GNAQ: variants seen among roughly 807,000 people sequenced by gnomAD.
GNAQ encodes guanine nucleotide-binding protein G(q) subunit alpha.
In GNAQ, 8 loss-of-function variants were observed where a neutral mutation model predicts 43.9. The ratio of observed to expected loss-of-function variants is 0.18; its 90% confidence interval spans 0.11 to 0.33. The LOEUF (loss-of-function observed/expected upper bound fraction) is 0.33. Ranked by LOEUF, GNAQ falls within the 10% of genes least tolerant of loss-of-function variation. The pLI, the probability that GNAQ is intolerant of heterozygous loss-of-function variation, is 1.00. For synonymous variants in GNAQ, 155 were observed against 170.7 expected (o/e 0.91, Z 0.71); for missense variants, 158 against 450.8 (o/e 0.35, Z 5.88).
intron 1 of GNAQ, among the ~76,000 whole-genome samples, chr9:78,002,976 A>C (rs1167684582): frequency 6.6e-6 from 1 of 152,198 alleles, no homozygotes; most frequent in African/African-American, 2.4e-5. Context: ...TTCATATTAA[A>C]AATCAAAAGA....
chr9:77,983,775 T>C (rs191692934), intron 1 of GNAQ, among the ~76,000 whole-genome samples: 1 of 152,060 alleles, frequency 6.6e-6, no homozygotes, highest in African/African-American at 2.4e-5. Flanking sequence ...CAGGAGAATT[T>C]AGTGACTGAA....
chr9:77,907,146 T>C (rs1216151952), intron 2 of GNAQ, among the ~76,000 whole-genome samples: 1 of 152,226 alleles, frequency 6.6e-6, no homozygotes, highest in Non-Finnish European at 1.5e-5. Flanking sequence ...TCATAATTCA[T>C]GGGCAAGTTA....
chr9:78,014,415 C>A (rs1242568454), intron 1 of GNAQ, among the ~76,000 whole-genome samples: 3 of 152,046 alleles, frequency 2.0e-5, no homozygotes, highest in Admixed American at 6.6e-5. Flanking sequence ...ACGAGACCAG[C>A]CCGACCAACA....
chr9:77,951,418 TC>T (rs1822976657), intron 1 of GNAQ, among the ~76,000 whole-genome samples: 1 of 152,162 alleles, frequency 6.6e-6, no homozygotes, highest in East Asian at 1.9e-4. Flanking sequence ...TTTTAATAAA[TC>T]AGTTATTGCT....
intron 5 of GNAQ, among the ~76,000 whole-genome samples, chr9:77,778,113 A>C (rs1054264748): frequency 6.6e-6 from 1 of 152,052 alleles, no homozygotes; most frequent in Non-Finnish European, 1.5e-5. Context: ...GAAGGTAAAT[A>C]AAAACTTTTA....
Position 77,718,944 on chromosome 9 carries a change from A to G in GNAQ, c.*2379T>C, listed in dbSNP as rs1351544342. Reference sequence around the variant, plus strand: ...AAGCTCATATTCCAATCCTAGATCAAATGGCAAAAGTTCTACAAAGTTGGT... The same window carrying G: ...AAGCTCATATTCCAATCCTAGATCAGATGGCAAAAGTTCTACAAAGTTGGT... On this transcript the variant is annotated 3_prime_UTR_variant, in exon 7 of 7. Coordinates refer to ENST00000286548, the MANE Select transcript of GNAQ (RefSeq NM_002072.5). 2.3e-4 allele frequency: 53 copies of G among 232,200 alleles called. No individual in the cohort carries two copies. The East Asian group carries it at 3.2e-3, about 14-fold the overall frequency. 14.4% of individuals were successfully genotyped at this position (232,200 alleles called of 1,614,324 possible).
chr9:77,736,401 A>G (rs898513378), intron 5 of GNAQ, among the ~76,000 whole-genome samples: 1 of 152,222 alleles, frequency 6.6e-6, no homozygotes, highest in Non-Finnish European at 1.5e-5. Flanking sequence ...TAGAAATAAG[A>G]ACGTCAAACT....
intron 2 of GNAQ, among the ~76,000 whole-genome samples, chr9:77,836,238 C>CCCCT (rs35667294): frequency 2.0e-5 from 3 of 151,562 alleles, no homozygotes; most frequent in African/African-American, 7.3e-5. Context: ...AAGCCCCCCC[C>CCCCT]GGATCTGTCC....
chr9:77,850,959 G>A (rs1827667082), intron 2 of GNAQ, among the ~76,000 whole-genome samples: 1 of 151,974 alleles, frequency 6.6e-6, no homozygotes, highest in African/African-American at 2.4e-5. Context: ...GACCACCATT[G>A]CTCTTTTCTC....
At chr9:77,767,444 C>G (rs970578767) in intron 5 of GNAQ, among the ~76,000 whole-genome samples, 17 of 152,144 alleles carry the variant, frequency 1.1e-4, no homozygotes, top group Non-Finnish European at 8.8e-5. Flanking sequence ...GGTGGGCAGT[C>G]AGCTGCTCTG....
chr9:77,767,769 C>T (rs1826159212), intron 5 of GNAQ, among the ~76,000 whole-genome samples: 1 of 152,116 alleles, frequency 6.6e-6, no homozygotes, highest in Non-Finnish European at 1.5e-5. Context: ...ACATCCTCCC[C>T]CACCTTTATG....
At chr9:77,894,347 T>A (rs1828456618) in intron 2 of GNAQ, among the ~76,000 whole-genome samples, 1 of 139,672 alleles carries the variant, frequency 7.2e-6, no homozygotes, top group African/African-American at 2.7e-5. Context: ...ATTATATATA[T>A]TTAATAGAAA....
At chr9:77,826,303 T>C (rs879846039) in intron 2 of GNAQ, among the ~76,000 whole-genome samples, 1 of 152,166 alleles carries the variant, frequency 6.6e-6, no homozygotes, top group Non-Finnish European at 1.5e-5. Flanking sequence ...CAACTCCCCA[T>C]AACGCTGGTG....
intron 1 of GNAQ, among the ~76,000 whole-genome samples, chr9:77,936,091 C>T (rs1025658990): frequency 6.6e-6 from 1 of 152,160 alleles, no homozygotes; most frequent in Admixed American, 6.5e-5. Context: ...TACATCGGTG[C>T]ATTTTATTAA....
At chr9:77,911,888 T>C (rs1262847792) in intron 2 of GNAQ, among the ~76,000 whole-genome samples, 2 of 152,162 alleles carry the variant, frequency 1.3e-5, no homozygotes, top group African/African-American at 4.8e-5. Context: ...AAAACCGTAT[T>C]ATCAAACTAG....
At chr9:77,857,845 G>T (rs1827783768) in intron 2 of GNAQ, among the ~76,000 whole-genome samples, 1 of 148,252 alleles carries the variant, frequency 6.7e-6, no homozygotes, top group Non-Finnish European at 1.5e-5. Flanking sequence ...CAATTTATAG[G>T]TAAAACATTT....
chr9:77,983,217 G>A (rs1172635251), intron 1 of GNAQ, among the ~76,000 whole-genome samples: 1 of 152,166 alleles, frequency 6.6e-6, no homozygotes, highest in African/African-American at 2.4e-5. Context: ...ACTCGTGCAT[G>A]GTGATAACAT....
chr9:77,809,219 T>C (rs1826876585), intron 3 of GNAQ, among the ~76,000 whole-genome samples: 1 of 152,168 alleles, frequency 6.6e-6, no homozygotes, highest in South Asian at 2.1e-4. Flanking sequence ...CATGTGGAAA[T>C]TTCAAGAAGG....
At chr9:77,893,161 T>G (rs921925636) in intron 2 of GNAQ, among the ~76,000 whole-genome samples, 1 of 152,134 alleles carries the variant, frequency 6.6e-6, no homozygotes, top group Non-Finnish European at 1.5e-5. Context: ...ATTCCCAGAT[T>G]AGGCACTTCA....
Sources: gnomAD v4.1 joint callset for allele counts (sites outside exome capture counted in the v4.1 genomes callset) on GRCh38, gnomAD v4.1.1 for gene constraint, MANE v1.5 for transcripts, NCBI Gene and HGNC (gene_info 2026-07-23, HGNC 2026-07-21) for gene names.